EXOC6B: variants seen among roughly 807,000 people sequenced by gnomAD.
The protein encoded by EXOC6B is SEC15 homolog B.
In EXOC6B, 54 loss-of-function variants were observed where a neutral mutation model predicts 113.5. The observed-to-expected ratio is 0.48, with a 90% CI of 0.38 to 0.60. The LOEUF (loss-of-function observed/expected upper bound fraction) is 0.60, where lower values mean the gene tolerates loss of function less well. EXOC6B is among the 20% of genes least tolerant of loss of function. The pLI is 0.00. For synonymous variants in EXOC6B, 357 were observed against 339.0 expected, an observed-to-expected ratio of 1.05 and a Z score of -0.58; for missense variants, 797 against 977.5, an observed-to-expected ratio of 0.82 and a Z score of 2.46.
In EXOC6B at chr2:72,541,628, C is replaced by T. The variant is rs144270488; in HGVS notation, c.915+17825G>A. Among the ~76,000 whole-genome samples, 696 of 152,306 alleles carry T rather than the reference C, an allele frequency of 4.6e-3. 4 individuals carry two copies. The highest frequency in any genetic ancestry group is 0.015 in the African/African-American group (638 of 41,566). Reference sequence around the variant, plus strand: ...GCTTATCTGTGGATCTATGTCAACACACATATTAGTCTAGTTCCTAGTCTT... The same window carrying T: ...GCTTATCTGTGGATCTATGTCAACATACATATTAGTCTAGTTCCTAGTCTT... On this transcript the variant is annotated intron_variant, in intron 8 of 21. Transcript: ENST00000272427.
At chr2:72,606,501 G>C (rs574380040) in intron 6 of EXOC6B, among the ~76,000 whole-genome samples, 31 of 152,230 alleles carry the variant, frequency 2.0e-4, no homozygotes, top group African/African-American at 7.5e-4. Flanking sequence ...GTCTAAGGCA[G>C]AAGAATCACT....
At chr2:72,488,214 T>C (rs1228686709) in intron 16 of EXOC6B, among the ~76,000 whole-genome samples, 11 of 152,144 alleles carry the variant, frequency 7.2e-5, no homozygotes, top group Non-Finnish European at 2.9e-5. Flanking sequence ...CACTCCTGTT[T>C]TTTTTGTTTT....
chr2:72,333,727 G>T (rs185317669), intron 20 of EXOC6B, among the ~76,000 whole-genome samples: 1 of 152,088 alleles, frequency 6.6e-6, no homozygotes, highest in South Asian at 2.1e-4. Flanking sequence ...GTTGACACAC[G>T]TTTCTGGGAC....
At chr2:72,339,565 C>T (rs1336086342) in intron 19 of EXOC6B, among the ~76,000 whole-genome samples, 1 of 152,112 alleles carries the variant, frequency 6.6e-6, no homozygotes, top group Non-Finnish European at 1.5e-5. Flanking sequence ...AGGAGAGCCT[C>T]TGACAGGTAC....
At chr2:72,310,166 C>G (rs774539117) in intron 20 of EXOC6B, among the ~76,000 whole-genome samples, 2 of 152,102 alleles carry the variant, frequency 1.3e-5, no homozygotes, top group African/African-American at 4.8e-5. Context: ...GAAGGACATT[C>G]CTGGGTCATA....
intron 18 of EXOC6B, among the ~76,000 whole-genome samples, chr2:72,396,963 C>T (rs995074481): frequency 3.4e-5 from 5 of 146,244 alleles, no homozygotes; most frequent in African/African-American, 1.1e-4. Flanking sequence ...GGAGAAGATG[C>T]GAACTCTACT....
intron 20 of EXOC6B, among the ~76,000 whole-genome samples, chr2:72,284,408 T>G (rs1317907842): frequency 6.6e-6 from 1 of 152,012 alleles, no homozygotes; most frequent in African/African-American, 2.4e-5. Context: ...GAAAAAAGTA[T>G]TTGACAAAAT....
At chr2:72,236,487 A>C (rs1387479265) in intron 20 of EXOC6B, among the ~76,000 whole-genome samples, 2 of 152,060 alleles carry the variant, frequency 1.3e-5, no homozygotes, top group Non-Finnish European at 2.9e-5. Context: ...GTACAATGTA[A>C]TTTTCAATAC....
intron 6 of EXOC6B, among the ~76,000 whole-genome samples, chr2:72,608,426 C>G (rs1254526400): frequency 6.6e-6 from 1 of 152,084 alleles, no homozygotes; most frequent in African/African-American, 2.4e-5. Flanking sequence ...AGTTTATAAG[C>G]TAAAGACCAT....
intron 21 of EXOC6B, among the ~76,000 whole-genome samples, chr2:72,183,156 T>C (rs1251732341): frequency 2.6e-5 from 4 of 152,196 alleles, no homozygotes; most frequent in African/African-American, 9.6e-5. Context: ...CTTCCTGGAC[T>C]CTGAGCCTTG....
intron 20 of EXOC6B, among the ~76,000 whole-genome samples, chr2:72,309,338 T>C (rs1479051158): frequency 6.6e-6 from 1 of 152,168 alleles, no homozygotes; most frequent in Non-Finnish European, 1.5e-5. Flanking sequence ...TTTCCAAAAC[T>C]TTGCCTTCAA....
chr2:72,494,190 C>T (rs1373889794), intron 15 of EXOC6B, among the ~76,000 whole-genome samples: 1 of 152,032 alleles, frequency 6.6e-6, no homozygotes, highest in Non-Finnish European at 1.5e-5. Flanking sequence ...TAATATTATT[C>T]CTTTACCATA....
At chr2:72,543,373 A>G (rs1460980350) in intron 8 of EXOC6B, among the ~76,000 whole-genome samples, 1 of 150,808 alleles carries the variant, frequency 6.6e-6, no homozygotes, top group African/African-American at 2.5e-5. Flanking sequence ...CTTCTTTGTC[A>G]GAGCTTGAAA....
intron 1 of EXOC6B, among the ~76,000 whole-genome samples, chr2:72,793,750 G>C (rs1025883888): frequency 3.9e-5 from 6 of 152,146 alleles, no homozygotes; most frequent in Admixed American, 6.5e-5. Flanking sequence ...GATTAAAGGG[G>C]AATAACTCAA....
chr2:72,362,458 AATAATT>A (rs1293446924), intron 19 of EXOC6B, among the ~76,000 whole-genome samples: 1 of 152,142 alleles, frequency 6.6e-6, no homozygotes, highest in African/African-American at 2.4e-5. Context: ...TACATAAAGA[AATAATT>A]ATAATTAATT....
chr2:72,382,339 C>T (rs562202421), intron 18 of EXOC6B, among the ~76,000 whole-genome samples: 7 of 152,142 alleles, frequency 4.6e-5, no homozygotes, highest in South Asian at 2.1e-4. Flanking sequence ...ATCAGATGGT[C>T]GTAAGTGTGT....
intron 6 of EXOC6B, among the ~76,000 whole-genome samples, chr2:72,715,519 G>A (rs908849051): frequency 5.8e-4 from 87 of 150,808 alleles, no homozygotes; most frequent in African/African-American, 1.7e-3. Flanking sequence ...AAAAGCCAGC[G>A]TGCAGCTAGG....
intron 20 of EXOC6B, among the ~76,000 whole-genome samples, chr2:72,307,659 C>T (rs1686965744): frequency 6.6e-6 from 1 of 152,188 alleles, no homozygotes; most frequent in Non-Finnish European, 1.5e-5. Context: ...TGTCTACTGT[C>T]TCTGATAAAC....
chr2:72,636,101 C>A (rs551148507), intron 6 of EXOC6B, among the ~76,000 whole-genome samples: 1 of 151,972 alleles, frequency 6.6e-6, no homozygotes, highest in African/African-American at 2.4e-5. Context: ...CATGCATCTG[C>A]AGTTCCAGCT....
Sources: gnomAD v4.1 joint callset for allele counts (sites outside exome capture counted in the v4.1 genomes callset) on GRCh38, gnomAD v4.1.1 for gene constraint, MANE v1.5 for transcripts, NCBI Gene and HGNC (gene_info 2026-07-23, HGNC 2026-07-21) for gene names.